The following COMMD7 variants were observed in gnomAD, a reference collection of about 807,000 sequenced individuals.
COMMD7 encodes COMM domain-containing protein 7.
Under a neutral mutation model 34.8 loss-of-function variants are expected in COMMD7, and 28 were observed. The ratio of observed to expected loss-of-function variants is 0.80; its 90% CI spans 0.60 to 1.10. The LOEUF (loss-of-function observed/expected upper bound fraction) is 1.10. COMMD7 is among the 50% of genes least tolerant of loss of function. The probability of loss-of-function intolerance (pLI) is 0.00; values close to 1 mark genes in which losing one functional copy is unlikely to be tolerated. For synonymous variants in COMMD7, 80 were observed against 86.4 expected (o/e 0.93, Z 0.41); for missense variants, 211 against 241.6 (o/e 0.87, Z 0.84).
intron 1 of COMMD7, among the ~76,000 whole-genome samples, chr20:32,736,830 C>T (rs988128739): frequency 6.6e-6 from 1 of 152,066 alleles, no homozygotes; most frequent in Non-Finnish European, 1.5e-5. Flanking sequence ...CACTTGAGCC[C>T]GAAGTTCTAG....
At position 32,704,138 on chromosome 20, in the gene COMMD7, C is replaced by T. The variant is rs927233115; in HGVS notation, c.478-67G>A. On this transcript the variant is annotated intron_variant, in intron 7 of 8. Coordinates refer to ENST00000278980, the MANE Select transcript of COMMD7 (RefSeq NM_053041.3). The stretch of plus-strand genomic sequence containing the variant: ...AACTGGGCAAAGAAATTCTTAAAAC[C>T]CTTTGACTTAATTAAGCTTCCAACC... The T allele has an allele frequency of 2.0e-5, 26 of 1,329,354 alleles. No homozygotes were observed. The African/African-American group carries it at 2.4e-4, about 12-fold the overall frequency. 82.3% of individuals were successfully genotyped at this position (1,329,354 alleles called of 1,614,324 possible).
intron 1 of COMMD7, among the ~76,000 whole-genome samples, chr20:32,733,561 A>C (rs1419027293): frequency 6.6e-6 from 1 of 152,032 alleles, no homozygotes; most frequent in Non-Finnish European, 1.5e-5. Context: ...TCGACTAAAG[A>C]AACAAAAAAT....
intron 3 of COMMD7, among the ~76,000 whole-genome samples, chr20:32,727,652 G>A (rs1403480541): frequency 3.3e-5 from 5 of 151,918 alleles, no homozygotes. Context: ...AGGACATTCT[G>A]AGGACATAAC....
intron 1 of COMMD7, among the ~76,000 whole-genome samples, chr20:32,735,399 C>A (rs1336567654): frequency 1.3e-5 from 2 of 151,454 alleles, no homozygotes; most frequent in East Asian, 3.9e-4. Context: ...CTCACTGCAA[C>A]CTCCGCCTCC....
chr20:32,726,921 C>A (rs1985541014), intron 3 of COMMD7, among the ~76,000 whole-genome samples: 1 of 152,058 alleles, frequency 6.6e-6, no homozygotes, highest in Admixed American at 6.6e-5. Context: ...ACAAATTAAA[C>A]CCCCAACTTC....
chr20:32,713,174 A>G (rs756551962), intron 3 of COMMD7, among the ~76,000 whole-genome samples: 1 of 150,536 alleles, frequency 6.6e-6, no homozygotes, highest in Admixed American at 6.6e-5. Context: ...TCAGCCTCCC[A>G]AGTAGCTGGG....
intron 3 of COMMD7, among the ~76,000 whole-genome samples, chr20:32,719,664 T>C (rs751623939): frequency 1.3e-4 from 19 of 151,890 alleles, no homozygotes; most frequent in Non-Finnish European, 2.4e-4. Flanking sequence ...AAAAATATAA[T>C]AAAATAATAA....
At position 32,712,293 on chromosome 20, in the gene COMMD7, A is replaced by G. The variant is rs865906535; in HGVS notation, c.242-5533T>C. Reference sequence around the variant, plus strand: ...TCAAAAAAAAAAAAAAAAAAAAAAAAAGAGAGAGATCGAGACCATCCTGGA... The same window carrying G: ...TCAAAAAAAAAAAAAAAAAAAAAAAGAGAGAGAGATCGAGACCATCCTGGA... On this transcript the variant is annotated intron_variant, in intron 3 of 8. Transcript: ENST00000278980. Among the ~76,000 whole-genome samples, 325 of 146,986 alleles carry G rather than the reference A, an allele frequency of 2.2e-3. 2 individuals are homozygous for G. In the Middle Eastern group the frequency reaches 0.024, roughly 11 times the overall value.
rs369694098 is a variant in COMMD7, at chr20:32,703,539, AT to A, written c.527-82del. 1.1e-3 allele frequency: 1,688 copies of A among 1,480,968 alleles called. 1 individual carries two copies. Among genetic ancestry groups the A allele is most frequent in the Admixed American group, 1.7e-3 (73 of 43,066 alleles). 91.7% of individuals were successfully genotyped at this position (1,480,968 alleles called of 1,614,324 possible). A position where few individuals can be genotyped will look rare whatever the true frequency, so the allele number is the denominator to read the frequency against. ...AAGAAAATTAATTTCCACCCGGAGG[AT>A]TTTTTTTTTCTTTTTTGGCTTAATA... On this transcript the variant is annotated intron_variant, in intron 8 of 8. Coordinates refer to ENST00000278980, the MANE Select transcript of COMMD7 (RefSeq NM_053041.3).
In COMMD7 at chr20:32,704,875, T is replaced by C. The variant is rs1166012377; in HGVS notation, c.366A>G (p.Arg122=). 6.2e-7 allele frequency: 1 copy of C among 1,613,904 alleles called. No individual in the cohort carries two copies. The highest frequency in any genetic ancestry group is 8.5e-7 in the Non-Finnish European group (1 of 1,179,958). Residue 122 remains arginine (R), a synonymous_variant, in exon 6 of 9, where the codon CGA becomes CGG. Coordinates refer to ENST00000278980, the MANE Select transcript of COMMD7 (RefSeq NM_053041.3). ...KWKQNAPTLA[R]WAIGQTLMIN... ...TCATCAGAGTCTGACCTATGGCCCATCGAGCAAGGGTGGGAGCATTCTGCT... is the reference window on the plus strand; with the variant it reads ...TCATCAGAGTCTGACCTATGGCCCACCGAGCAAGGGTGGGAGCATTCTGCT...
chr20:32,718,842 G>A (rs149831280), intron 3 of COMMD7, among the ~76,000 whole-genome samples: 232 of 151,868 alleles, frequency 1.5e-3, no homozygotes, highest in African/African-American at 5.5e-3. Flanking sequence ...TACTGGTTAA[G>A]CAAGTTTCTT....
chr20:32,703,192 G>A lies in COMMD7; in HGVS notation c.*190C>T, dbSNP rs1383948646. On this transcript the variant is annotated 3_prime_UTR_variant, in exon 9 of 9. Coordinates refer to ENST00000278980, the MANE Select transcript of COMMD7 (RefSeq NM_053041.3). ...GTTGCCCTAACAGAGAGTTTACAGG[G>A]TAATTGTGTTGGGCTCTTTCAGTAC... 2.0e-6 allele frequency: 1 copy of A among 496,894 alleles called. No individual in the cohort carries two copies. Among genetic ancestry groups the A allele is most frequent in the Non-Finnish European group, 3.6e-6 (1 of 280,770 alleles). 30.8% of individuals were successfully genotyped at this position (496,894 alleles called of 1,614,324 possible). A position where few individuals can be genotyped will look rare whatever the true frequency, so the allele number is the denominator to read the frequency against.
chr20:32,703,859 A>G (rs888088904), intron 8 of COMMD7, 164 bp downstream of exon 8: 3 of 1,547,432 alleles, frequency 1.9e-6, no homozygotes, highest in Admixed American at 3.9e-5. Flanking sequence ...GCTTTCTAAC[A>G]CTCCTTGTGC....
At chr20:32,711,208 T>C (rs1984419064) in intron 3 of COMMD7, among the ~76,000 whole-genome samples, 1 of 151,426 alleles carries the variant, frequency 6.6e-6, no homozygotes, top group Non-Finnish European at 1.5e-5. Flanking sequence ...ACCAGCCTGG[T>C]CAACGTGGTG....
chr20:32,727,858 G>A (rs1985604243), intron 3 of COMMD7, 35 bp downstream of exon 3: 2 of 1,494,076 alleles, frequency 1.3e-6, no homozygotes, highest in Non-Finnish European at 1.9e-6. Flanking sequence ...TCAAGTTAAT[G>A]TCTCTGGCCA....
chr20:32,737,267 G>A (rs922754772), intron 1 of COMMD7, among the ~76,000 whole-genome samples: 2 of 151,222 alleles, frequency 1.3e-5, no homozygotes, highest in Non-Finnish European at 2.9e-5. Context: ...CTACTCGGGA[G>A]GCTGAGGCAG....
chr20:32,718,235 T>C (rs1057103906), intron 3 of COMMD7, among the ~76,000 whole-genome samples: 3 of 151,242 alleles, frequency 2.0e-5, no homozygotes, highest in Non-Finnish European at 2.9e-5. Flanking sequence ...AAACCCCGTC[T>C]CTACTAAAAA....
rs1279485696 is a variant in COMMD7, at chr20:32,703,432, A to T, written c.553T>A (p.Phe185Ile). 6.2e-7 allele frequency: 1 copy of T among 1,613,890 alleles called. No homozygotes were observed. Among genetic ancestry groups the T allele is most frequent in the East Asian group, 2.2e-5 (1 of 44,890 alleles). ...IELTLPQFYS[F>I]LHEMERVRTS... ...CTGACTCGCTCCATCTCGTGCAGGA[A>T]GCTGTAGAACTGAGGCAAGGTTAAT... The change falls in exon 9 of 9, where the codon TTC becomes ATC. Residue 185 changes from phenylalanine to isoleucine, a missense_variant. Coordinates refer to ENST00000278980, the MANE Select transcript of COMMD7 (RefSeq NM_053041.3).
intron 1 of COMMD7, among the ~76,000 whole-genome samples, chr20:32,731,170 T>C (rs1431500559): frequency 2.6e-5 from 4 of 151,804 alleles, no homozygotes; most frequent in Non-Finnish European, 4.4e-5. Flanking sequence ...ATTTAAAAAT[T>C]AGCCAGGCAA....
Sources: gnomAD v4.1 joint callset for allele counts (sites outside exome capture counted in the v4.1 genomes callset) on GRCh38, gnomAD v4.1.1 for gene constraint, MANE v1.5 for transcripts, NCBI Gene and HGNC (gene_info 2026-07-23, HGNC 2026-07-21) for gene names.